Variants in TTYH2 observed in about 807,000 individuals in gnomAD.
TTYH2 encodes tweety family member 2.
In TTYH2, 49 loss-of-function variants were observed where a neutral mutation model predicts 68.3. That is an observed-to-expected ratio of 0.72 (90% CI 0.57 to 0.91). The LOEUF is 0.91. Among genes scored for constraint, TTYH2 ranks in the 40% least tolerant of loss-of-function variants. The pLI, the probability that TTYH2 is intolerant of heterozygous loss-of-function variation, is 0.00. For synonymous variants in TTYH2, 272 were observed against 300.8 expected, an observed-to-expected ratio of 0.90 and a Z score of 0.99; for missense variants, 631 against 700.4, an observed-to-expected ratio of 0.90 and a Z score of 1.12.
chr17:74,246,059 G>C (rs190747999), intron 6 of TTYH2, among the ~76,000 whole-genome samples: 12 of 152,200 alleles, frequency 7.9e-5, no homozygotes, highest in Non-Finnish European at 1.8e-4. Flanking sequence ...GGAGGTGTCT[G>C]GGGTGAGGGG....
chr17:74,255,375 T>G (rs563218815), intron 13 of TTYH2, among the ~76,000 whole-genome samples: 1 of 152,360 alleles, frequency 6.6e-6, no homozygotes, highest in Admixed American at 6.5e-5. Flanking sequence ...CGTAGGACAG[T>G]GAGCTGTTAT....
rs749019666 is a variant in TTYH2 at position 74,229,873 on chromosome 17, G to A, written c.303-1015G>A. 5.3e-5 allele frequency among the ~76,000 whole-genome samples: 8 copies of A among 152,354 alleles called. No individual in the cohort carries two copies. In the East Asian group the frequency reaches 1.5e-3, roughly 29 times the overall value. On this transcript the variant is annotated intron_variant, in intron 2 of 13. Coordinates refer to ENST00000269346, the MANE Select transcript of TTYH2 (RefSeq NM_032646.6). ...AGGCCAGGTGCAGTGGCTCACGCCT[G>A]TAATCCCAGCACTTTGGGAGGCCAA...
chr17:74,223,352 C>CTGA (rs1478633072), intron 2 of TTYH2, among the ~76,000 whole-genome samples: 1 of 151,958 alleles, frequency 6.6e-6, no homozygotes, highest in Non-Finnish European at 1.5e-5. Flanking sequence ...TCTCAAACTG[C>CTGA]TGAGCTCAAG....
At chr17:74,233,229 G>A (rs1406365372) in intron 3 of TTYH2, among the ~76,000 whole-genome samples, 2 of 152,140 alleles carry the variant, frequency 1.3e-5, no homozygotes, top group Non-Finnish European at 2.9e-5. Context: ...AGGTGGAAAG[G>A]TGGCACTGGG....
intron 2 of TTYH2, among the ~76,000 whole-genome samples, chr17:74,229,464 T>TC (rs2050364944): frequency 1.3e-5 from 2 of 151,686 alleles, no homozygotes; most frequent in South Asian, 4.2e-4. Context: ...AACCTTCACC[T>TC]CCCCACCCCC....
intron 13 of TTYH2, among the ~76,000 whole-genome samples, chr17:74,258,751 G>T (rs1346950063): frequency 6.6e-6 from 1 of 152,054 alleles, no homozygotes; most frequent in African/African-American, 2.4e-5. Context: ...GCATCTACTT[G>T]CTACATGCCA....
At chr17:74,218,140 C>T (rs2050239061) in intron 1 of TTYH2, among the ~76,000 whole-genome samples, 1 of 151,100 alleles carries the variant, frequency 6.6e-6, no homozygotes. Flanking sequence ...GCAGCAGGTG[C>T]CACCAAGCTG....
intron 6 of TTYH2, among the ~76,000 whole-genome samples, chr17:74,246,953 CA>C (rs2050564408): frequency 6.6e-6 from 1 of 152,066 alleles, no homozygotes; most frequent in African/African-American, 2.4e-5. Context: ...GAGGCTGAGG[CA>C]GGGGGATCAC....
At position 74,242,453 on chromosome 17, in the gene TTYH2, C is replaced by T. The variant is rs959828819; in HGVS notation, c.636-921C>T. ...TGTGGCCCAGGCTGGAGTGCAATGGCGCCATCTCAGCTCACTGCAACCTCT... is the reference window on the plus strand; with the variant it reads ...TGTGGCCCAGGCTGGAGTGCAATGGTGCCATCTCAGCTCACTGCAACCTCT... On this transcript the variant is annotated intron_variant, in intron 4 of 13. Transcript: ENST00000269346. Among the ~76,000 whole-genome samples, 7 of 152,278 alleles carry T rather than the reference C, an allele frequency of 4.6e-5. No individual in the cohort carries two copies. The East Asian group carries it at 9.6e-4, about 21-fold the overall frequency.
At position 74,249,976 on chromosome 17, in the gene TTYH2, T is replaced by C; in HGVS notation, c.971T>C (p.Ile324Thr). The change falls in exon 9 of 14, where the codon ATC (isoleucine) becomes ACC (threonine). Residue 324 changes from isoleucine to threonine, a missense_variant. Coordinates refer to ENST00000269346, the MANE Select transcript of TTYH2 (RefSeq NM_032646.6). ...TFQRALTTMQIQVAGLLQFAV... is the reference protein window; with the variant it reads ...TFQRALTTMQTQVAGLLQFAV... The stretch of plus-strand genomic sequence containing the variant: ...CAGCGCGCACTTACCACCATGCAGA[T>C]CCAGGTCGCGGGGCTGCTGCAGTTT... 6.2e-7 allele frequency: 1 copy of C among 1,614,090 alleles called. No individual in the cohort carries two copies.
At chr17:74,250,188 C>A in intron 9 of TTYH2, 77 bp from the exon 10 acceptor site, 2 of 1,500,622 alleles carry the variant, frequency 1.3e-6, no homozygotes, top group Non-Finnish European at 9.1e-7. Flanking sequence ...GGCCCCTGAG[C>A]ACAGCTGCTG....
At chr17:74,225,888 G>T (rs1206073111) in intron 2 of TTYH2, among the ~76,000 whole-genome samples, 1 of 152,232 alleles carries the variant, frequency 6.6e-6, no homozygotes, top group Non-Finnish European at 1.5e-5. Flanking sequence ...GCATAGATGC[G>T]GGCAAGAGTA....
chr17:74,241,492 A>T lies in TTYH2; in HGVS notation c.636-1882A>T, dbSNP rs2050500619. ...TGCTCGTGCAGAGACAAGGACTTTGATTAGTCCCCTTCTTTTGGCAGTAAG... is the reference window on the plus strand; with the variant it reads ...TGCTCGTGCAGAGACAAGGACTTTGTTTAGTCCCCTTCTTTTGGCAGTAAG... On this transcript the variant is annotated intron_variant, in intron 4 of 13. Transcript: ENST00000269346. The surrounding 1 kb of genome is among the most constrained non-coding windows in gnomAD (Gnocchi z 4.1). 6.6e-6 allele frequency among the ~76,000 whole-genome samples: 1 copy of T among 152,082 alleles called. No homozygotes were observed. The highest frequency in any genetic ancestry group is 2.4e-5 in the African/African-American group (1 of 41,396).
At chr17:74,252,843 G>A (rs8081944) in intron 11 of TTYH2, among the ~76,000 whole-genome samples, 63,381 of 151,936 alleles carry the variant, frequency 0.42, 13,894 homozygotes, top group African/African-American at 0.54. Context: ...CAGGGTAGTG[G>A]GGACCCACAT....
In TTYH2 at chr17:74,247,161, G is replaced by A. The variant is rs866355452; in HGVS notation, c.805-1850G>A. 1.5e-3 allele frequency among the ~76,000 whole-genome samples: 215 copies of A among 140,644 alleles called. 5 individuals carry two copies. The highest frequency in any genetic ancestry group is 8.3e-3 in the Middle Eastern group (2 of 240). 92.3% of individuals were successfully genotyped at this position (140,644 alleles called of 152,430 possible). ...CACGCCACTGCACTCCAGCCTGGGC[G>A]ACAGAGTGAGACTCTGTCTCAAAAA... On this transcript the variant is annotated intron_variant, in intron 6 of 13. Coordinates refer to ENST00000269346, the MANE Select transcript of TTYH2 (RefSeq NM_032646.6).
intron 2 of TTYH2, among the ~76,000 whole-genome samples, chr17:74,227,760 T>G (rs574802756): frequency 5.0e-4 from 71 of 141,878 alleles, no homozygotes; most frequent in African/African-American, 2.1e-3. Context: ...TTTTTTTTTT[T>G]GTTTTTTTTT....
chr17:74,231,699 A>T (rs76019442), intron 3 of TTYH2, among the ~76,000 whole-genome samples: 7 of 151,922 alleles, frequency 4.6e-5, no homozygotes, highest in Non-Finnish European at 1.0e-4. Context: ...AAAAAAAAAA[A>T]TTGAAGAGCC....
In TTYH2 at chr17:74,229,539, C is replaced by T. The variant is rs566649817; in HGVS notation, c.303-1349C>T. Among the ~76,000 whole-genome samples the T allele has an allele frequency of 2.0e-5, 3 of 152,242 alleles. No homozygotes were observed. In the South Asian group the frequency reaches 6.2e-4, roughly 32 times the overall value. ...CACCGCAGCCCCCAGGAAAGAGTTCCTCAGCTCAAGTCAAAAACCTGCTCT... is the reference window on the plus strand; with the variant it reads ...CACCGCAGCCCCCAGGAAAGAGTTCTTCAGCTCAAGTCAAAAACCTGCTCT... On this transcript the variant is annotated intron_variant, in intron 2 of 13. Coordinates refer to ENST00000269346, the MANE Select transcript of TTYH2 (RefSeq NM_032646.6).
intron 4 of TTYH2, among the ~76,000 whole-genome samples, chr17:74,242,978 T>G (rs188978956): frequency 6.6e-6 from 1 of 152,164 alleles, no homozygotes; most frequent in African/African-American, 2.4e-5. Flanking sequence ...TGAAATTAAT[T>G]AAAATTAAGT....
Sources: gnomAD v4.1 joint callset for allele counts (sites outside exome capture counted in the v4.1 genomes callset) on GRCh38, gnomAD v4.1.1 for gene constraint, Gnocchi (gnomAD v3.1) non-coding constraint, MANE v1.5 for transcripts, NCBI Gene and HGNC (gene_info 2026-07-23, HGNC 2026-07-21) for gene names.